PPFIA2: variants seen among roughly 807,000 people sequenced by gnomAD.
PPFIA2 encodes the protein liprin-alpha-2.
A neutral mutation model predicts 175.5 loss-of-function variants in PPFIA2; 46 were observed. The ratio of observed to expected loss-of-function variants is 0.26; its 90% CI spans 0.21 to 0.34. PPFIA2 has a LOEUF of 0.34. Among genes scored for constraint, PPFIA2 ranks in the 10% least tolerant of loss-of-function variants. The probability of loss-of-function intolerance (pLI) is 1.00; values close to 1 mark genes in which losing one functional copy is unlikely to be tolerated. For missense variants in PPFIA2, 1,179 were observed against 1,506.1 expected (o/e 0.78, Z 3.60); for synonymous variants, 568 against 511.4 (o/e 1.11, Z -1.49).
chr12:81,302,256 T>C, intron 22 of PPFIA2: 1 of 382,652 alleles, frequency 2.6e-6, no homozygotes, highest in South Asian at 2.0e-5. Flanking sequence ...CCTCTTGAGC[T>C]TTTATTTCCC....
intron 4 of PPFIA2, among the ~76,000 whole-genome samples, chr12:81,514,880 A>C (rs1594308441): frequency 1.3e-5 from 2 of 151,930 alleles, no homozygotes; most frequent in Non-Finnish European, 2.9e-5. Flanking sequence ...TTATCATTTA[A>C]GCTGTCACTT....
At chr12:81,604,630 T>C (rs1446956764) in intron 4 of PPFIA2, among the ~76,000 whole-genome samples, 2 of 151,562 alleles carry the variant, frequency 1.3e-5, no homozygotes, top group Non-Finnish European at 3.0e-5. Flanking sequence ...ACACCTCAAA[T>C]AAAATTTAAT....
chr12:81,642,400 C>G (rs1377010340), intron 4 of PPFIA2, among the ~76,000 whole-genome samples: 2 of 151,104 alleles, frequency 1.3e-5, no homozygotes, highest in Non-Finnish European at 3.0e-5. Context: ...CTCCTATGTT[C>G]CTATTTGTAA....
chr12:81,592,118 T>G (rs576031618), intron 4 of PPFIA2, among the ~76,000 whole-genome samples: 1 of 152,238 alleles, frequency 6.6e-6, no homozygotes, highest in South Asian at 2.1e-4. Context: ...GCTTTAAGAT[T>G]TGACTGCCCT....
intron 4 of PPFIA2, among the ~76,000 whole-genome samples, chr12:81,487,228 G>A (rs1381419806): frequency 2.0e-5 from 3 of 151,900 alleles, no homozygotes; most frequent in African/African-American, 7.2e-5. Flanking sequence ...CTGGAAAGAC[G>A]AAGTAGCAAG....
At chr12:81,294,108 T>C (rs1222828541) in intron 24 of PPFIA2, among the ~76,000 whole-genome samples, 1 of 151,888 alleles carries the variant, frequency 6.6e-6, no homozygotes, top group African/African-American at 2.4e-5. Context: ...TGTGGACAGG[T>C]AGAAGGAAAT....
Position 81,286,424 on chromosome 12 carries a change from T to A in PPFIA2, c.2926-2121A>T, listed in dbSNP as rs140333147. Among the ~76,000 whole-genome samples, 4 of 152,180 alleles carry A rather than the reference T, an allele frequency of 2.6e-5. No individual in the cohort carries two copies. The East Asian group carries it at 7.7e-4, about 29-fold the overall frequency. ...ATTTTTTATCTTTTATACTATATTTTTACTGTACCTTTTCTATGTTTAGAC... is the reference window on the plus strand; with the variant it reads ...ATTTTTTATCTTTTATACTATATTTATACTGTACCTTTTCTATGTTTAGAC... On this transcript the variant is annotated intron_variant, in intron 24 of 32. Transcript: ENST00000549396.
intron 4 of PPFIA2, among the ~76,000 whole-genome samples, chr12:81,570,442 G>A (rs769041755): frequency 3.9e-5 from 6 of 152,086 alleles, no homozygotes; most frequent in African/African-American, 7.2e-5. Flanking sequence ...AAATGTGTTT[G>A]GGCGAGGTGA....
chr12:81,268,734 G>C (rs1206934523), intron 28 of PPFIA2, among the ~76,000 whole-genome samples: 1 of 152,146 alleles, frequency 6.6e-6, no homozygotes, highest in Non-Finnish European at 1.5e-5. Context: ...CCATCAGAGG[G>C]AGACATTTCT....
chr12:81,508,145 A>G (rs1295748267), intron 4 of PPFIA2, among the ~76,000 whole-genome samples: 1 of 152,144 alleles, frequency 6.6e-6, no homozygotes, highest in African/African-American at 2.4e-5. Flanking sequence ...ATGCTTCTTC[A>G]TCTCTGAAAT....
chr12:81,755,462 T>G (rs1423286144), intron 2 of PPFIA2, among the ~76,000 whole-genome samples: 1 of 152,204 alleles, frequency 6.6e-6, no homozygotes, highest in East Asian at 1.9e-4. Context: ...AATTAATTTT[T>G]CTGCCTATAC....
At chr12:81,599,699 TG>T in intron 4 of PPFIA2, among the ~76,000 whole-genome samples, 1 of 152,140 alleles carries the variant, frequency 6.6e-6, no homozygotes, top group East Asian at 1.9e-4. Flanking sequence ...TTGACATTAA[TG>T]TGCTCTTTGT....
At chr12:81,693,329 T>C (rs546521781) in intron 3 of PPFIA2, among the ~76,000 whole-genome samples, 1 of 152,186 alleles carries the variant, frequency 6.6e-6, no homozygotes, top group East Asian at 1.9e-4. Flanking sequence ...AACTCGGTGA[T>C]GTCTTGGTAA....
At chr12:81,528,439 C>A (rs1450559381) in intron 4 of PPFIA2, among the ~76,000 whole-genome samples, 1 of 151,992 alleles carries the variant, frequency 6.6e-6, no homozygotes, top group East Asian at 1.9e-4. Flanking sequence ...TTATTTCAAA[C>A]CTGGCTGATT....
chr12:81,545,162 T>A (rs2153352968), intron 4 of PPFIA2, among the ~76,000 whole-genome samples: 1 of 152,000 alleles, frequency 6.6e-6, no homozygotes, highest in South Asian at 2.1e-4. Flanking sequence ...CATGCTACAC[T>A]AACTTACAAT....
At chr12:81,461,028 G>T (rs2054444457) in intron 4 of PPFIA2, among the ~76,000 whole-genome samples, 1 of 151,946 alleles carries the variant, frequency 6.6e-6, no homozygotes, top group East Asian at 1.9e-4. Context: ...ATTTCCCAAG[G>T]TCATCAAACT....
At chr12:81,312,273 T>G (rs1201646163) in intron 22 of PPFIA2, 17 of 1,136,366 alleles carry the variant, frequency 1.5e-5, no homozygotes, top group Non-Finnish European at 2.1e-5. Context: ...GAGCATTATT[T>G]AAGATGTGAG....
chr12:81,486,573 A>G (rs1189192593), intron 4 of PPFIA2, among the ~76,000 whole-genome samples: 1 of 151,824 alleles, frequency 6.6e-6, no homozygotes, highest in African/African-American at 2.4e-5. Context: ...TTAGTGATAG[A>G]TCTATTCAAT....
chr12:81,623,433 T>C (rs1156374144), intron 4 of PPFIA2, among the ~76,000 whole-genome samples: 1 of 152,034 alleles, frequency 6.6e-6, no homozygotes, highest in East Asian at 1.9e-4. Context: ...TGACCTAAAA[T>C]GATGTATCAT....
Sources: allele counts gnomAD v4.1 joint callset (sites outside exome capture counted in the v4.1 genomes callset), GRCh38; gene constraint gnomAD v4.1.1; transcripts MANE v1.5; gene names NCBI Gene and HGNC (gene_info 2026-07-23, HGNC 2026-07-21).